Variants in EEIG1 observed in about 807,000 individuals in gnomAD.
EEIG1 encodes early estrogen-induced gene 1 protein.
At chr9:127,953,275 T>G in the EEIG1 span, 2 of 440,388 alleles carry the variant, frequency 4.5e-6, no homozygotes, top group Admixed American at 4.0e-5. Context: ...TTACAAGGTC[T>G]GGAAAGGTCT....
chr9:127,952,642 C>G, the EEIG1 span, among the ~76,000 whole-genome samples: 3 of 152,306 alleles, frequency 2.0e-5, no homozygotes, highest in Non-Finnish European at 4.4e-5. Flanking sequence ...TTAGAAAGCA[C>G]ATGGAAATTT....
the EEIG1 span, among the ~76,000 whole-genome samples, chr9:127,980,943 C>G: frequency 6.7e-6 from 1 of 149,364 alleles, no homozygotes; most frequent in East Asian, 2.0e-4. Context: ...CCTGCGGCCC[C>G]GACGCTGCAG....
the EEIG1 span, among the ~76,000 whole-genome samples, chr9:127,958,014 A>G: frequency 6.6e-6 from 1 of 152,220 alleles, no homozygotes; most frequent in East Asian, 1.9e-4. Flanking sequence ...ACTGTTTCAG[A>G]AAAAAGAAAC....
chr9:127,942,613 G>A, the EEIG1 span: 7 of 158,722 alleles, frequency 4.4e-5, no homozygotes, highest in Non-Finnish European at 7.0e-5. Flanking sequence ...GGAAGAGGCC[G>A]CCAGCAGGTC....
At chr9:127,948,481 G>T in the EEIG1 span, 1 of 1,512,614 alleles carries the variant, frequency 6.6e-7, no homozygotes, top group Non-Finnish European at 9.2e-7. Context: ...AGGGCCCCCT[G>T]CAGCCTTTCG....
the EEIG1 span, among the ~76,000 whole-genome samples, chr9:127,968,289 CTA>C: frequency 1.3e-5 from 2 of 152,112 alleles, no homozygotes; most frequent in African/African-American, 4.8e-5. Context: ...CCTCGAATGA[CTA>C]GACTCAAGTC....
the EEIG1 span, among the ~76,000 whole-genome samples, chr9:127,964,150 C>T: frequency 2.0e-5 from 3 of 152,152 alleles, no homozygotes; most frequent in Non-Finnish European, 4.4e-5. Context: ...ACTCGGGGAG[C>T]CCCATCTTGG....
At chr9:127,964,540 C>G in the EEIG1 span, among the ~76,000 whole-genome samples, 25 of 152,234 alleles carry the variant, frequency 1.6e-4, no homozygotes, top group Non-Finnish European at 3.1e-4. Context: ...AGAGTTGGAG[C>G]AAAAGTGCAT....
chr9:127,953,662 G>T, the EEIG1 span: 1 of 1,607,134 alleles, frequency 6.2e-7, no homozygotes, highest in Non-Finnish European at 8.5e-7. Context: ...GGGACCTCAT[G>T]CATCTCCCAC....
chr9:127,953,448 A>C, the EEIG1 span: 2 of 773,252 alleles, frequency 2.6e-6, no homozygotes, highest in Non-Finnish European at 4.4e-6. Context: ...TTTCTAAAAA[A>C]TAACACATCT....
At chr9:127,943,177 C>T in the EEIG1 span, 28 of 1,613,744 alleles carry the variant, frequency 1.7e-5, no homozygotes, top group East Asian at 4.7e-4. Flanking sequence ...CTTCTCCAGC[C>T]CGGACACCTG....
the EEIG1 span, among the ~76,000 whole-genome samples, chr9:127,958,769 T>C: frequency 6.6e-6 from 1 of 151,948 alleles, no homozygotes; most frequent in Non-Finnish European, 1.5e-5. Context: ...AAAAAATACT[T>C]GCAAATCAGA....
the EEIG1 span, among the ~76,000 whole-genome samples, chr9:127,979,036 T>G: frequency 6.6e-6 from 1 of 151,078 alleles, no homozygotes; most frequent in Non-Finnish European, 1.5e-5. Context: ...GAAAAAAAAA[T>G]AGAGACAGGA....
At chr9:127,944,822 T>A in the EEIG1 span, 1 of 1,612,298 alleles carries the variant, frequency 6.2e-7, no homozygotes, top group Non-Finnish European at 8.5e-7. Context: ...TGCACGATCT[T>A]CTCCACGATG....
chr9:127,974,465 C>G, the EEIG1 span, among the ~76,000 whole-genome samples: 1 of 152,206 alleles, frequency 6.6e-6, no homozygotes, highest in Non-Finnish European at 1.5e-5. Flanking sequence ...AGGCTTATCC[C>G]GATCTCTTTC....
the EEIG1 span, among the ~76,000 whole-genome samples, chr9:127,977,416 G>C: frequency 6.6e-6 from 1 of 152,244 alleles, no homozygotes; most frequent in African/African-American, 2.4e-5. Context: ...CAGGTAGGGA[G>C]ACAGTGGCTC....
the EEIG1 span, among the ~76,000 whole-genome samples, chr9:127,951,474 C>T: frequency 6.6e-6 from 1 of 152,170 alleles, no homozygotes; most frequent in African/African-American, 2.4e-5. Context: ...GATTCAGATC[C>T]TAGCCCCGCC....
chr9:127,943,044 G>A, the EEIG1 span: 1 of 724,582 alleles, frequency 1.4e-6, no homozygotes, highest in African/African-American at 1.7e-5. Context: ...ATGGAATGAT[G>A]CTACGGGGAG....
chr9:127,953,753 G>A, the EEIG1 span: 1 of 1,613,728 alleles, frequency 6.2e-7, no homozygotes, highest in Non-Finnish European at 8.5e-7. Flanking sequence ...GACTCATGAG[G>A]GGAGGGGCCT....
Sources: allele counts gnomAD v4.1 joint callset (sites outside exome capture counted in the v4.1 genomes callset), GRCh38; gene constraint gnomAD v4.1.1; transcripts MANE v1.5; gene names NCBI Gene and HGNC (gene_info 2026-07-23, HGNC 2026-07-21).